The following NUDCD1 variants were observed in gnomAD, a reference collection of about 807,000 sequenced individuals.
NUDCD1 encodes NudC domain containing 1, also known as nudC domain-containing protein 1.
NUDCD1 carries 60 observed loss-of-function variants against 67.8 expected under a neutral mutation model. The ratio of observed to expected loss-of-function variants is 0.88; its 90% CI spans 0.72 to 1.10. The LOEUF is 1.10. Ranked by LOEUF, NUDCD1 falls within the 50% of genes least tolerant of loss-of-function variation. The pLI, the probability that NUDCD1 is intolerant of heterozygous loss-of-function variation, is 0.00. For missense variants in NUDCD1, 643 were observed against 695.0 expected (o/e 0.93, Z 0.84); for synonymous variants, 244 against 230.8 (o/e 1.06, Z -0.52).
chr8:109,325,993 A>G (rs77575318), intron 1 of NUDCD1, among the ~76,000 whole-genome samples: 15 of 152,372 alleles, frequency 9.8e-5, no homozygotes, highest in Non-Finnish European at 1.6e-4. Flanking sequence ...TATAAGCAAC[A>G]GTTAGAAATA....
intron 6 of NUDCD1, among the ~76,000 whole-genome samples, chr8:109,277,178 G>T (rs918657806): frequency 6.6e-6 from 1 of 152,006 alleles, no homozygotes; most frequent in Admixed American, 6.6e-5. Flanking sequence ...AAGTACTGAG[G>T]TTAAGCAACT....
At chr8:109,276,082 G>A (rs1233994296) in intron 6 of NUDCD1, among the ~76,000 whole-genome samples, 1 of 151,972 alleles carries the variant, frequency 6.6e-6, no homozygotes, top group African/African-American at 2.4e-5. Context: ...GGTAATACAG[G>A]GAAAAAAGAT....
At chr8:109,312,285 A>G in intron 2 of NUDCD1, among the ~76,000 whole-genome samples, 1 of 136,356 alleles carries the variant, frequency 7.3e-6, no homozygotes, top group African/African-American at 2.9e-5. Flanking sequence ...CGGGCAACAG[A>G]GCGAGACACT....
intron 2 of NUDCD1, among the ~76,000 whole-genome samples, chr8:109,299,116 C>T (rs553830113): frequency 6.6e-6 from 1 of 152,276 alleles, no homozygotes; most frequent in East Asian, 1.9e-4. Context: ...CGCTGGGTTC[C>T]CTAACAAACC....
chr8:109,323,071 C>T (rs1815580409), intron 1 of NUDCD1, among the ~76,000 whole-genome samples: 1 of 152,208 alleles, frequency 6.6e-6, no homozygotes, highest in Non-Finnish European at 1.5e-5. Context: ...GCATTAGCTG[C>T]TTCCCTAGGT....
At chr8:109,298,735 G>A (rs1471971207) in intron 2 of NUDCD1, 1 of 152,164 alleles carries the variant, frequency 6.6e-6, no homozygotes, top group Non-Finnish European at 1.5e-5. Flanking sequence ...AGGGGGATGG[G>A]CAGATCATGA....
intron 1 of NUDCD1, chr8:109,330,005 G>A: frequency 1.0e-6 from 1 of 960,552 alleles, no homozygotes; most frequent in Non-Finnish European, 1.4e-6. Context: ...GAATCCCTGA[G>A]GAAGTAACAT....
At chr8:109,330,905 G>C (rs1016048202) in intron 1 of NUDCD1, among the ~76,000 whole-genome samples, 1 of 152,168 alleles carries the variant, frequency 6.6e-6, no homozygotes, top group Non-Finnish European at 1.5e-5. Context: ...GGTAGGGGGA[G>C]GGAGAGCATT....
At chr8:109,284,830 A>G (rs1276345932) in intron 5 of NUDCD1, among the ~76,000 whole-genome samples, 1 of 152,164 alleles carries the variant, frequency 6.6e-6, no homozygotes, top group South Asian at 2.1e-4. Context: ...AGCAAAACTG[A>G]ATGAAATTGA....
Position 109,289,745 on chromosome 8 carries a change from A to C in NUDCD1, c.823+6T>G. 7.2e-7 allele frequency: 1 copy of C among 1,387,260 alleles called. No individual in the cohort carries two copies. The allele number at this position is 1,387,260 out of a possible 1,614,324, so 85.9% of individuals were successfully genotyped here. A position where few individuals can be genotyped will look rare whatever the true frequency, so the allele number is the denominator to read the frequency against. Reference sequence around the variant, plus strand: ...ACCAATAAGCTCTATTAAGAATAAAAATTACCTTTGATTTTCTCTGATATG... The same window carrying C: ...ACCAATAAGCTCTATTAAGAATAAACATTACCTTTGATTTTCTCTGATATG... On this transcript the variant is annotated splice_donor_region_variant and intron_variant, in intron 5 of 9. Transcript: ENST00000239690.
intron 5 of NUDCD1, among the ~76,000 whole-genome samples, chr8:109,283,976 T>C (rs1444411697): frequency 7.8e-6 from 1 of 128,378 alleles, no homozygotes; most frequent in African/African-American, 3.0e-5. Flanking sequence ...AGGCACAGAG[T>C]AGAAAGCTGG....
intron 1 of NUDCD1, among the ~76,000 whole-genome samples, chr8:109,327,143 G>A (rs923161473): frequency 6.6e-6 from 1 of 152,128 alleles, no homozygotes; most frequent in Non-Finnish European, 1.5e-5. Flanking sequence ...TAGTTACTGA[G>A]CTTGCTATTT....
intron 2 of NUDCD1, chr8:109,316,137 TTAAAA>T (rs1815389634): frequency 6.6e-6 from 1 of 152,176 alleles, no homozygotes; most frequent in Non-Finnish European, 1.5e-5. Context: ...ACACATTACT[TTAAAA>T]TAAGCCATAA....
At chr8:109,255,554 A>G (rs1813709257) in intron 8 of NUDCD1, among the ~76,000 whole-genome samples, 1 of 152,062 alleles carries the variant, frequency 6.6e-6, no homozygotes, top group Non-Finnish European at 1.5e-5. Context: ...GAAAATTATC[A>G]AATTAGGTCT....
At chr8:109,252,567 AAAG>A (rs951884932) in intron 8 of NUDCD1, among the ~76,000 whole-genome samples, 4 of 152,178 alleles carry the variant, frequency 2.6e-5, no homozygotes, top group Non-Finnish European at 2.9e-5. Context: ...CAAGGTCCAT[AAAG>A]AAGATCCTTT....
At chr8:109,293,277 A>T (rs1563674598) in intron 4 of NUDCD1, 67 bp downstream of exon 4, 1 of 807,818 alleles carries the variant, frequency 1.2e-6, no homozygotes, top group East Asian at 2.8e-5. Flanking sequence ...TTACAGGGAC[A>T]GCTTTGTGTT....
Position 109,240,940 on chromosome 8 carries a change from C to T in NUDCD1, c.*2069G>A, listed in dbSNP as rs1813353749. The T allele has an allele frequency of 6.6e-6, 1 of 152,036 alleles. No individual in the cohort carries two copies. Among genetic ancestry groups the T allele is most frequent in the Non-Finnish European group, 1.5e-5 (1 of 67,992 alleles). 9.4% of individuals were successfully genotyped at this position (152,036 alleles called of 1,614,324 possible). A position where few individuals can be genotyped will look rare whatever the true frequency, so the allele number is the denominator to read the frequency against. ...AATATGCAAAACACATAAAATACTA[C>T]TTTATTACTATCATAAATATTTTAT... On this transcript the variant is annotated 3_prime_UTR_variant, in exon 10 of 10. Transcript: ENST00000239690.
intron 5 of NUDCD1, among the ~76,000 whole-genome samples, chr8:109,282,415 C>A (rs1436117489): frequency 6.6e-6 from 1 of 151,912 alleles, no homozygotes; most frequent in Non-Finnish European, 1.5e-5. Flanking sequence ...AGCCCAAAGA[C>A]CCTACTCTGC....
intron 2 of NUDCD1, among the ~76,000 whole-genome samples, chr8:109,311,338 A>G (rs1461379854): frequency 1.3e-5 from 2 of 152,140 alleles, no homozygotes; most frequent in African/African-American, 2.4e-5. Flanking sequence ...GTAAACTAGT[A>G]CAACCACTAC....
Sources: gnomAD v4.1 joint callset for allele counts (sites outside exome capture counted in the v4.1 genomes callset) on GRCh38, gnomAD v4.1.1 for gene constraint, MANE v1.5 for transcripts, NCBI Gene and HGNC (gene_info 2026-07-23, HGNC 2026-07-21) for gene names.